Variants in USP48 observed in about 807,000 individuals in gnomAD.
The protein encoded by USP48 is ubiquitin carboxyl-terminal hydrolase 48.
A neutral mutation model predicts 150.7 loss-of-function variants in USP48; 43 were observed. The observed-to-expected ratio is 0.29, with a 90% confidence interval of 0.22 to 0.37. The LOEUF (loss-of-function observed/expected upper bound fraction) is 0.37, where lower values mean the gene tolerates loss of function less well. USP48 is among the 10% of genes least tolerant of loss of function. USP48 has a pLI of 1.00. For synonymous variants in USP48, 396 were observed against 425.9 expected (o/e 0.93, Z 0.86); for missense variants, 813 against 1,249.6 (o/e 0.65, Z 5.27).
chr1:21,770,641 C>T (rs540360393), intron 1 of USP48, among the ~76,000 whole-genome samples: 4 of 151,426 alleles, frequency 2.6e-5, no homozygotes, highest in South Asian at 2.1e-4. Context: ...CCACCATGCT[C>T]GGCTAATTTT....
rs756934984 is a variant in USP48 at position 21,704,399 on chromosome 1, A to C, written c.2385-7T>G. ...GGGCCATATGAGAGCTATACTGTGC[A>C]AAAAAAAAACACAACATGCCTTAAG... On this transcript the variant is annotated splice_polypyrimidine_tract_variant and splice_region_variant and intron_variant, in intron 19 of 26. Transcript: ENST00000308271. 99 of 1,449,536 alleles carry C rather than the reference A, an allele frequency of 6.8e-5. No individual in the cohort carries two copies. The highest frequency in any genetic ancestry group is 8.5e-5 in the Non-Finnish European group (91 of 1,071,004). The allele number at this position is 1,449,536 out of a possible 1,614,324, so 89.8% of individuals were successfully genotyped here.
At position 21,728,696 on chromosome 1, in the gene USP48, G is replaced by T. The variant is rs1410026708; in HGVS notation, c.1324C>A (p.Arg442=). ...VPAFLQELVD[R]DNSKFEEWCI... Reference sequence around the variant, plus strand: ...CACTCCTCAAATTTGGAATTATCCCGATCTACCAGCTCTTGAAGAAAGGCT... The same window carrying T: ...CACTCCTCAAATTTGGAATTATCCCTATCTACCAGCTCTTGAAGAAAGGCT... The change falls in exon 11 of 27, where the codon CGG becomes AGG. Residue 442 remains arginine (R), a synonymous_variant. Transcript: ENST00000308271. 1 of 1,613,772 alleles carries T rather than the reference G, an allele frequency of 6.2e-7. No individual in the cohort carries two copies. The highest frequency in any genetic ancestry group is 8.5e-7 in the Non-Finnish European group (1 of 1,179,970).
chr1:21,752,758 G>T, intron 4 of USP48, 107 bp from the exon 5 acceptor site: 1 of 1,332,086 alleles, frequency 7.5e-7, no homozygotes, highest in Non-Finnish European at 1.0e-6. Context: ...TTTCAACTTA[G>T]CATTTTCAAA....
Position 21,678,454 on chromosome 1 carries a change from G to A in USP48, c.*963C>T, listed in dbSNP as rs920505911. ...TTTCCTTTTTTAAACAATGATCTAAGAGACCCTCTCAGGGCATTTTGGAAT... is the reference window on the plus strand; with the variant it reads ...TTTCCTTTTTTAAACAATGATCTAAAAGACCCTCTCAGGGCATTTTGGAAT... On this transcript the variant is annotated 3_prime_UTR_variant, in exon 27 of 27. Transcript: ENST00000308271. The A allele has an allele frequency of 1.3e-5, 2 of 152,040 alleles. No homozygotes were observed. The highest frequency in any genetic ancestry group is 6.6e-5 in the Admixed American group (1 of 15,252). 9.4% of individuals were successfully genotyped at this position (152,040 alleles called of 1,614,324 possible).
chr1:21,694,989 G>A (rs1046863641), intron 23 of USP48, 77 bp downstream of exon 23: 130 of 1,452,498 alleles, frequency 9.0e-5, no homozygotes, highest in Non-Finnish European at 1.2e-4. Flanking sequence ...ATACATATAT[G>A]TAAATACAGG....
intron 12 of USP48, among the ~76,000 whole-genome samples, chr1:21,723,019 C>T (rs2097725900): frequency 6.6e-6 from 1 of 152,068 alleles, no homozygotes; most frequent in Non-Finnish European, 1.5e-5. Context: ...TTCCTACAGC[C>T]TCATCTGAAA....
chr1:21,752,049 CA>C (rs2097816966), intron 5 of USP48, among the ~76,000 whole-genome samples: 1 of 145,956 alleles, frequency 6.9e-6, no homozygotes, highest in African/African-American at 2.5e-5. Flanking sequence ...GAAATAAAAA[CA>C]AAGTGCCTGG....
At chr1:21,750,340 A>G (rs1034684657) in intron 6 of USP48, among the ~76,000 whole-genome samples, 1 of 151,696 alleles carries the variant, frequency 6.6e-6, no homozygotes, top group Admixed American at 6.6e-5. Flanking sequence ...AACGGGGCTC[A>G]CCCCTTCACC....
chr1:21,772,919 C>T (rs1023044403), intron 1 of USP48, among the ~76,000 whole-genome samples: 8 of 142,600 alleles, frequency 5.6e-5, no homozygotes, highest in African/African-American at 1.0e-4. Context: ...AAGACTCTGT[C>T]TCAAAAAAAA....
intron 21 of USP48, among the ~76,000 whole-genome samples, chr1:21,702,103 T>C (rs912172940): frequency 6.6e-6 from 1 of 152,178 alleles, no homozygotes; most frequent in Non-Finnish European, 1.5e-5. Context: ...TAATATTTTA[T>C]ACCAGAGAAC....
chr1:21,730,642 C>T (rs1331226725), intron 9 of USP48, among the ~76,000 whole-genome samples: 1 of 150,994 alleles, frequency 6.6e-6, no homozygotes, highest in Non-Finnish European at 1.5e-5. Flanking sequence ...TGCAGTGTGT[C>T]ACTGCACTCC....
chr1:21,690,166 T>G (rs1571704139), intron 23 of USP48, 67 bp from the exon 24 acceptor site: 1 of 1,362,358 alleles, frequency 7.3e-7, no homozygotes, highest in African/African-American at 1.6e-5. Context: ...CCTATTTAAA[T>G]AAATTATGCA....
intron 18 of USP48, 135 bp downstream of exon 18, chr1:21,705,991 G>T: frequency 2.7e-6 from 3 of 1,115,324 alleles, no homozygotes; most frequent in South Asian, 3.5e-5. Flanking sequence ...TAATAGAAAA[G>T]AAAGCTTTCA....
intron 2 of USP48, 132 bp downstream of exon 2, chr1:21,757,531 G>A: frequency 2.0e-6 from 2 of 978,390 alleles, no homozygotes; most frequent in Non-Finnish European, 2.9e-6. Context: ...AGAGTCTTAA[G>A]TTCTACTGCT....
chr1:21,783,048 A>G lies in USP48; in HGVS notation c.-91T>C, dbSNP rs996738505. The G allele has an allele frequency of 7.1e-7, 1 of 1,400,800 alleles. No homozygotes were observed. Among genetic ancestry groups the G allele is most frequent in the African/African-American group, 1.5e-5 (1 of 65,700 alleles). 86.8% of individuals were successfully genotyped at this position (1,400,800 alleles called of 1,614,324 possible). A position where few individuals can be genotyped will look rare whatever the true frequency, so the allele number is the denominator to read the frequency against. ...GCCCCAATGGGCTTCGCCACCTGCC[A>G]GCAAGGAGGACCTGGCGCTCCTTCA... On this transcript the variant is annotated 5_prime_UTR_variant, in exon 1 of 27. Coordinates refer to ENST00000308271, the MANE Select transcript of USP48 (RefSeq NM_032236.8).
intron 22 of USP48, among the ~76,000 whole-genome samples, chr1:21,700,964 C>T (rs986099872): frequency 2.0e-5 from 3 of 147,818 alleles, no homozygotes; most frequent in African/African-American, 7.5e-5. Flanking sequence ...ACTTGGGAGG[C>T]TGAGGCAGGA....
intron 5 of USP48, among the ~76,000 whole-genome samples, chr1:21,752,307 C>T (rs190042245): frequency 6.6e-6 from 1 of 152,298 alleles, no homozygotes; most frequent in African/African-American, 2.4e-5. Flanking sequence ...GAGCAGACTG[C>T]AAGAGCTCAC....
chr1:21,736,970 T>C (rs2097770147), intron 8 of USP48, among the ~76,000 whole-genome samples: 1 of 152,232 alleles, frequency 6.6e-6, no homozygotes, highest in Admixed American at 6.5e-5. Flanking sequence ...AAGAATCGGC[T>C]GTTCATACTC....
At chr1:21,684,658 A>T (rs545104807) in intron 25 of USP48, among the ~76,000 whole-genome samples, 1 of 132,302 alleles carries the variant, frequency 7.6e-6, no homozygotes, top group South Asian at 2.7e-4. Flanking sequence ...ATTGAATTCT[A>T]GCAATTTCAT....
Sources: gnomAD v4.1 joint callset for allele counts (sites outside exome capture counted in the v4.1 genomes callset) on GRCh38, gnomAD v4.1.1 for gene constraint, MANE v1.5 for transcripts, NCBI Gene and HGNC (gene_info 2026-07-23, HGNC 2026-07-21) for gene names.